Variants in MYH2 observed in about 807,000 individuals in gnomAD.
MYH2 encodes myosin heavy chain 2.
A neutral mutation model predicts 228.1 loss-of-function variants in MYH2; 139 were observed. The observed-to-expected ratio is 0.61, with a 90% confidence interval of 0.53 to 0.70. MYH2 has a LOEUF of 0.70. Ranked by LOEUF, MYH2 falls within the 30% of genes least tolerant of loss-of-function variation. The pLI is 0.00. For missense variants in MYH2, 1,809 were observed against 2,357.5 expected, an observed-to-expected ratio of 0.77 and a Z score of 4.82; for synonymous variants, 796 against 871.1, an observed-to-expected ratio of 0.91 and a Z score of 1.52.
intron 8 of MYH2, 38 bp from the exon 9 acceptor site, chr17:10,543,199 A>G (rs377276897): frequency 2.1e-5 from 29 of 1,407,890 alleles, no homozygotes; most frequent in African/African-American, 2.9e-5. Flanking sequence ...TTTTTTTTAT[A>G]TAATATTAAA....
Position 10,545,419 on chromosome 17 carries a change from T to C in MYH2, c.432A>G (p.Arg144=). The part of the protein sequence containing the change: ...VYKPEVVTAY[R]GKKRQEAPPH... ...GCGGGGCCTCCTGGCGCTTTTTGCC[T>C]CGGTAGGCTGTCACCACCTCGGGCT... Residue 144 remains arginine, a synonymous_variant, in exon 5 of 40, where the codon CGA becomes CGG. Transcript: ENST00000245503. The C allele has an allele frequency of 6.2e-7, 1 of 1,614,104 alleles. No individual in the cohort carries two copies. Among genetic ancestry groups the C allele is most frequent in the East Asian group, 2.2e-5 (1 of 44,884 alleles).
Position 10,529,259 on chromosome 17 carries a change from GA to G in MYH2, c.3264-8del. The stretch of plus-strand genomic sequence containing the variant: ...GCTGATTTCAAACTCTTTCCTTTTA[GA>G]AAAGTAGCAAAGGACAACAATTTAG... On this transcript the variant is annotated splice_region_variant and splice_polypyrimidine_tract_variant and intron_variant, in intron 25 of 39. Transcript: ENST00000245503. The G allele has an allele frequency of 1.9e-6, 3 of 1,614,124 alleles. No homozygotes were observed. In the South Asian group the frequency reaches 3.3e-5, roughly 18 times the overall value.
chr17:10,542,259 G>A (rs2073566023), intron 10 of MYH2, among the ~76,000 whole-genome samples: 2 of 146,664 alleles, frequency 1.4e-5, no homozygotes, highest in South Asian at 4.6e-4. Flanking sequence ...GGGTGACAAA[G>A]TGAGACTCCA....
chr17:10,524,354 G>A lies in MYH2; in HGVS notation c.5175+112C>T, dbSNP rs1303833316. 7 of 1,422,594 alleles carry A rather than the reference G, an allele frequency of 4.9e-6. No individual in the cohort carries two copies. Among genetic ancestry groups the A allele is most frequent in the Non-Finnish European group, 6.9e-6 (7 of 1,012,068 alleles). The allele number at this position is 1,422,594 out of a possible 1,614,324, so 88.1% of individuals were successfully genotyped here. On this transcript the variant is annotated intron_variant, in intron 35 of 39. Transcript: ENST00000245503. This position sits in a 1 kb window ranked among gnomAD's most constrained non-coding sequence, Gnocchi z 4.7. ...GCAGAATTACTATTCTGTATTATTT[G>A]AAAAGAAAATTTGATAGACATATTA... is the stretch of plus-strand genomic sequence containing the variant.
At chr17:10,544,075 T>TTTAC (rs1384639454) in intron 6 of MYH2, 25 bp downstream of exon 6, 12 of 1,614,206 alleles carry the variant, frequency 7.4e-6, no homozygotes, top group Non-Finnish European at 1.0e-5. Flanking sequence ...CACAGCCATG[T>TTTAC]AAAGAAAGCA....
rs763292061 is a variant in MYH2, at chr17:10,529,055, C to T, written c.3379G>A (p.Glu1127Lys). ...LQARIEELEE[E>K]IEAERASRAK... is the part of the protein sequence containing the mutation. The stretch of plus-strand genomic sequence containing the variant: ...CGGGAGGCCCGCTCTGCCTCGATTT[C>T]CTCCTCCAGCTCCTCAATGCGGGCC... The change falls in exon 27 of 40, where the codon GAA (glutamate) becomes AAA (lysine). Residue 1127 changes from glutamate (E) to lysine (K), a missense_variant. Transcript: ENST00000245503. The T allele has an allele frequency of 6.2e-7, 1 of 1,614,256 alleles. No individual in the cohort carries two copies. The highest frequency in any genetic ancestry group is 8.5e-7 in the Non-Finnish European group (1 of 1,180,052).
intron 22 of MYH2, among the ~76,000 whole-genome samples, chr17:10,530,691 T>C (rs2142301926): frequency 6.6e-6 from 1 of 152,264 alleles, no homozygotes; most frequent in East Asian, 1.9e-4. Flanking sequence ...TATATACTCA[T>C]CAGTAATCCT....
intron 11 of MYH2, 113 bp downstream of exon 11, chr17:10,540,481 C>T (rs1376583078): frequency 1.3e-5 from 12 of 915,766 alleles, no homozygotes; most frequent in African/African-American, 1.3e-4. Flanking sequence ...GGGGCATGTC[C>T]ATTTGCATCC....
At position 10,526,000 on chromosome 17, in the gene MYH2, C is replaced by T. The variant is rs1249223908; in HGVS notation, c.4188-124G>A. The T allele has an allele frequency of 2.6e-6, 3 of 1,133,910 alleles. No individual in the cohort carries two copies. The highest frequency in any genetic ancestry group is 1.6e-5 in the African/African-American group (1 of 64,142). 70.2% of individuals were successfully genotyped at this position (1,133,910 alleles called of 1,614,324 possible). A position where few individuals can be genotyped will look rare whatever the true frequency, so the allele number is the denominator to read the frequency against. ...GCTGCCCAGCCACCTTTCATTCTTT[C>T]AACAAATATTGATGAGCCCCTTTTA... On this transcript the variant is annotated intron_variant, in intron 30 of 39. Transcript: ENST00000245503. The surrounding 1 kb of genome is among the most constrained non-coding windows in gnomAD (Gnocchi z 4.2).
chr17:10,535,976 C>T (rs1205541506), intron 17 of MYH2, among the ~76,000 whole-genome samples: 3 of 152,168 alleles, frequency 2.0e-5, no homozygotes, highest in Non-Finnish European at 4.4e-5. Context: ...TGTCATTGCT[C>T]TTTTTCATGG....
intron 3 of MYH2, 46 bp downstream of exon 3, chr17:10,547,671 C>A (rs1303669944): frequency 6.2e-7 from 1 of 1,614,090 alleles, no homozygotes; most frequent in South Asian, 1.1e-5. Flanking sequence ...CAAACAACAA[C>A]AACAAAAATC....
intron 39 of MYH2, among the ~76,000 whole-genome samples, chr17:10,522,097 G>C (rs1478454399): frequency 6.6e-6 from 1 of 152,112 alleles, no homozygotes; most frequent in Non-Finnish European, 1.5e-5. Context: ...GCAGGTTTTG[G>C]TATGAGGGTT....
chr17:10,547,248 AC>A (rs2142324642), intron 4 of MYH2, among the ~76,000 whole-genome samples: 1 of 152,348 alleles, frequency 6.6e-6, no homozygotes, highest in African/African-American at 2.4e-5. Flanking sequence ...TTCTGGGCAA[AC>A]CTAGTCAACA....
chr17:10,524,729 C>A lies in MYH2; in HGVS notation c.4971+28G>T, dbSNP rs749404229. 6.2e-7 allele frequency: 1 copy of A among 1,614,210 alleles called. No individual in the cohort carries two copies. The highest frequency in any genetic ancestry group is 1.1e-5 in the South Asian group (1 of 91,082). Reference sequence around the variant, plus strand: ...TCAGGGTTGCAGGCACCCCAATAGTCCTGGGACCATCTCTTGGACATATTT... The same window carrying A: ...TCAGGGTTGCAGGCACCCCAATAGTACTGGGACCATCTCTTGGACATATTT... On this transcript the variant is annotated intron_variant, in intron 34 of 39. Transcript: ENST00000245503. The surrounding 1 kb of genome is among the most constrained non-coding windows in gnomAD (Gnocchi z 4.7).
In MYH2 at chr17:10,549,627, C is replaced by G. The variant is rs879681405; in HGVS notation, c.-64+9G>C. The G allele has an allele frequency of 6.6e-6, 1 of 152,202 alleles. No individual in the cohort carries two copies. The highest frequency in any genetic ancestry group is 1.5e-5 in the Non-Finnish European group (1 of 68,052). 9.4% of individuals were successfully genotyped at this position (152,202 alleles called of 1,614,324 possible). A position where few individuals can be genotyped will look rare whatever the true frequency, so the allele number is the denominator to read the frequency against. On this transcript the variant is annotated intron_variant, in intron 1 of 39. Transcript: ENST00000245503. ...TCCCTCTTGAAAGGCCCGTCCTGCT[C>G]CCACTTACCTTGGAGCTTTTTAAAG...
At position 10,539,806 on chromosome 17, in the gene MYH2, C is replaced by G. The variant is rs955828137; in HGVS notation, c.1147+122G>C. ...TCCCATTGCACATTATTTAGGTATA[C>G]AGATACTTTAAAACTTAATTCTTAA... is the stretch of plus-strand genomic sequence containing the variant. On this transcript the variant is annotated intron_variant, in intron 12 of 39. Coordinates refer to ENST00000245503, the MANE Select transcript of MYH2 (RefSeq NM_017534.6). 3.9e-5 allele frequency: 55 copies of G among 1,420,658 alleles called. 1 individual carries two copies. In the South Asian group the frequency reaches 6.3e-4, roughly 16 times the overall value. The allele number at this position is 1,420,658 out of a possible 1,614,324, so 88.0% of individuals were successfully genotyped here.
Position 10,528,822 on chromosome 17 carries a change from A to G in MYH2, c.3612T>C (p.Asp1204=), listed in dbSNP as rs1360773459. The part of the protein sequence containing the change: ...TAATLRKKHA[D]SVAELGEQID... ...TCTGCTCCCCAAGCTCGGCCACACT[A>G]TCTGCATGCTTCTTCCTCAGGGTGG... Residue 1204 remains aspartate (D), a synonymous_variant, in exon 27 of 40, where the codon GAT becomes GAC. Transcript: ENST00000245503. 6.2e-7 allele frequency: 1 copy of G among 1,613,970 alleles called. No homozygotes were observed. The highest frequency in any genetic ancestry group is 2.2e-5 in the East Asian group (1 of 44,894).
At chr17:10,533,465 C>T in intron 20 of MYH2, 44 bp from the exon 21 acceptor site, 1 of 1,614,082 alleles carries the variant, frequency 6.2e-7, no homozygotes, top group Non-Finnish European at 8.5e-7. Context: ...TAATAAAGTT[C>T]AAAGGGACAG....
chr17:10,528,653 A>G, intron 27 of MYH2, 37 bp downstream of exon 27: 1 of 1,613,802 alleles, frequency 6.2e-7, no homozygotes, highest in South Asian at 1.1e-5. Context: ...TCCATAATGC[A>G]TTATTTTCAA....
Sources: allele counts gnomAD v4.1 joint callset (sites outside exome capture counted in the v4.1 genomes callset), GRCh38; gene constraint gnomAD v4.1.1; non-coding constraint Gnocchi (gnomAD v3.1); transcripts MANE v1.5; gene names NCBI Gene and HGNC (gene_info 2026-07-23, HGNC 2026-07-21).